The following PYGO1 variants were observed in gnomAD, a reference collection of about 807,000 sequenced individuals.
PYGO1 encodes the protein pygopus family PHD finger 1.
PYGO1 carries 6 observed loss-of-function variants against 29.5 expected under a neutral mutation model. That is an observed-to-expected ratio of 0.20 (90% CI 0.11 to 0.40). PYGO1 has a LOEUF of 0.40. PYGO1 is among the 10% of genes least tolerant of loss of function. The pLI is 1.00. For missense variants in PYGO1, 515 were observed against 514.9 expected, an observed-to-expected ratio of 1.00 and a Z score of 0.00; for synonymous variants, 186 against 180.5, an observed-to-expected ratio of 1.03 and a Z score of -0.24.
At position 55,541,285 on chromosome 15, in the gene PYGO1, G is replaced by A. The variant is rs1169647929; in HGVS notation, c.*4738C>T. On this transcript the variant is annotated 3_prime_UTR_variant, in exon 3 of 3. Coordinates refer to ENST00000563719, the MANE Select transcript of PYGO1 (RefSeq NM_001367806.1). ...ATTCCCATCACTGTACCATAAGTTG[G>A]AAGATGCAGATGTGACTTTTATAAT... The A allele has an allele frequency of 6.6e-6, 1 of 152,126 alleles. No homozygotes were observed. Among genetic ancestry groups the A allele is most frequent in the East Asian group, 1.9e-4 (1 of 5,192 alleles). 9.4% of individuals were successfully genotyped at this position (152,126 alleles called of 1,614,324 possible).
At chr15:55,557,359 C>G (rs1255283013) in intron 1 of PYGO1, among the ~76,000 whole-genome samples, 2 of 152,104 alleles carry the variant, frequency 1.3e-5, no homozygotes, top group Admixed American at 6.6e-5. Context: ...TAATAGCCTA[C>G]CAACCAAAAA....
chr15:55,555,767 G>A (rs1449139758), intron 1 of PYGO1, among the ~76,000 whole-genome samples: 1 of 152,026 alleles, frequency 6.6e-6, no homozygotes, highest in African/African-American at 2.4e-5. Context: ...TCATCGTTAT[G>A]CTGTCTCCGA....
chr15:55,579,421 A>G (rs1227934005), intron 1 of PYGO1, among the ~76,000 whole-genome samples: 1 of 152,240 alleles, frequency 6.6e-6, no homozygotes, highest in Non-Finnish European at 1.5e-5. Context: ...TAACAAAAGT[A>G]TAAATAGAAA....
intron 1 of PYGO1, among the ~76,000 whole-genome samples, chr15:55,564,863 A>G (rs7181893): frequency 0.12 from 18,231 of 152,140 alleles, 2,083 homozygotes; most frequent in East Asian, 0.38. Context: ...TGAGGCTCTG[A>G]GGGAAATCTG....
intron 1 of PYGO1, among the ~76,000 whole-genome samples, chr15:55,562,806 A>C (rs1027412329): frequency 2.0e-5 from 3 of 152,194 alleles, no homozygotes; most frequent in African/African-American, 7.2e-5. Context: ...CTATACAGCC[A>C]AAAAAAGGAA....
chr15:55,543,100 T>TGC lies in PYGO1; in HGVS notation c.*2922_*2923insGC, dbSNP rs2058835257. On this transcript the variant is annotated 3_prime_UTR_variant, in exon 3 of 3. Coordinates refer to ENST00000563719, the MANE Select transcript of PYGO1 (RefSeq NM_001367806.1). ...GGGTGTGTGTGTGTGTGTGTGTGTG[T>TGC]AAGATGAGGACTTTCAGTGAAGGAA... The TGC allele has an allele frequency of 6.6e-6, 1 of 151,414 alleles. No individual in the cohort carries two copies. The highest frequency in any genetic ancestry group is 1.5e-5 in the Non-Finnish European group (1 of 67,922). The allele number at this position is 151,414 out of a possible 1,614,324, so 9.4% of individuals were successfully genotyped here.
At chr15:55,575,321 G>A (rs1414231895) in intron 1 of PYGO1, among the ~76,000 whole-genome samples, 1 of 152,110 alleles carries the variant, frequency 6.6e-6, no homozygotes, top group Non-Finnish European at 1.5e-5. Flanking sequence ...ACAGATACTG[G>A]TGGTCCATCA....
At chr15:55,561,384 T>C (rs150661542) in intron 1 of PYGO1, among the ~76,000 whole-genome samples, 100 of 152,342 alleles carry the variant, frequency 6.6e-4, no homozygotes, top group Middle Eastern at 3.4e-3. Context: ...ACAGGTTTAA[T>C]TGACTCACAT....
At chr15:55,571,763 C>T (rs1044371374) in intron 1 of PYGO1, among the ~76,000 whole-genome samples, 1 of 152,036 alleles carries the variant, frequency 6.6e-6, no homozygotes, top group Non-Finnish European at 1.5e-5. Flanking sequence ...ATCCAGTATT[C>T]GTCTTTCTGT....
intron 1 of PYGO1, among the ~76,000 whole-genome samples, chr15:55,556,687 CA>C (rs200192428): frequency 0.057 from 7,924 of 138,052 alleles, 737 homozygotes; most frequent in African/African-American, 0.2. Context: ...AAAAACCCTT[CA>C]AAAAAAAAAA....
intron 1 of PYGO1, among the ~76,000 whole-genome samples, chr15:55,579,565 G>C (rs1204750229): frequency 6.6e-6 from 1 of 151,754 alleles, no homozygotes; most frequent in Non-Finnish European, 1.5e-5. Context: ...ACCCAGGCTG[G>C]AGTGCAGTGG....
At chr15:55,573,557 T>C (rs1475326394) in intron 1 of PYGO1, among the ~76,000 whole-genome samples, 4 of 152,242 alleles carry the variant, frequency 2.6e-5, no homozygotes, top group African/African-American at 7.2e-5. Flanking sequence ...GTTACATTAT[T>C]CACAAGAGCC....
chr15:55,541,933 G>A lies in PYGO1; in HGVS notation c.*4090C>T, dbSNP rs139207545. ...TTATGGTCTAAATGAGCCTTTAGGA[G>A]CTTCCCTATTGTGTAGAGTTCCAAG... On this transcript the variant is annotated 3_prime_UTR_variant, in exon 3 of 3. Coordinates refer to ENST00000563719, the MANE Select transcript of PYGO1 (RefSeq NM_001367806.1). 1 of 152,298 alleles carries A rather than the reference G, an allele frequency of 6.6e-6. No individual in the cohort carries two copies. Among genetic ancestry groups the A allele is most frequent in the East Asian group, 1.9e-4 (1 of 5,182 alleles). The allele number at this position is 152,298 out of a possible 1,614,324, so 9.4% of individuals were successfully genotyped here. A position where few individuals can be genotyped will look rare whatever the true frequency, so the allele number is the denominator to read the frequency against.
At chr15:55,568,938 A>T (rs1482603729) in intron 1 of PYGO1, among the ~76,000 whole-genome samples, 1 of 152,134 alleles carries the variant, frequency 6.6e-6, no homozygotes, top group African/African-American at 2.4e-5. Flanking sequence ...CAGGACTGAA[A>T]CCTACTTAAT....
chr15:55,579,510 A>G (rs1456259660), intron 1 of PYGO1, among the ~76,000 whole-genome samples: 2 of 152,098 alleles, frequency 1.3e-5, no homozygotes, highest in Non-Finnish European at 2.9e-5. Context: ...ATTATTACTC[A>G]TAAAATTCTT....
At chr15:55,563,145 C>T (rs1224783132) in intron 1 of PYGO1, among the ~76,000 whole-genome samples, 2 of 151,968 alleles carry the variant, frequency 1.3e-5, no homozygotes, top group Non-Finnish European at 2.9e-5. Context: ...AACACTATCA[C>T]TAAAGTGAAA....
intron 1 of PYGO1, among the ~76,000 whole-genome samples, chr15:55,555,229 C>T (rs1439218824): frequency 3.3e-5 from 5 of 151,962 alleles, no homozygotes; most frequent in Non-Finnish European, 7.4e-5. Context: ...GAAAAAATTT[C>T]CAACCAAGAA....
At chr15:55,587,084 TA>T (rs1331488494) in intron 1 of PYGO1, among the ~76,000 whole-genome samples, 3 of 152,226 alleles carry the variant, frequency 2.0e-5, no homozygotes, top group African/African-American at 7.2e-5. Flanking sequence ...GTCTTAACCT[TA>T]TTAAGAGCTA....
intron 1 of PYGO1, among the ~76,000 whole-genome samples, chr15:55,555,364 A>G (rs1369147846): frequency 1.3e-5 from 2 of 151,982 alleles, no homozygotes; most frequent in Non-Finnish European, 2.9e-5. Flanking sequence ...AGGAAGCACT[A>G]AATATGGAAA....
Sources: gnomAD v4.1 joint callset for allele counts (sites outside exome capture counted in the v4.1 genomes callset) on GRCh38, gnomAD v4.1.1 for gene constraint, MANE v1.5 for transcripts, NCBI Gene and HGNC (gene_info 2026-07-23, HGNC 2026-07-21) for gene names.